The following MYO5A variants were observed in gnomAD, a reference collection of about 807,000 sequenced individuals.
The protein encoded by MYO5A is unconventional myosin-Va.
In MYO5A, 98 loss-of-function variants were observed where a neutral mutation model predicts 249.7. The ratio of observed to expected loss-of-function variants is 0.39; its 90% confidence interval spans 0.33 to 0.46. MYO5A has a LOEUF of 0.46. Ranked by LOEUF, MYO5A falls within the 20% of genes least tolerant of loss-of-function variation. The pLI is 0.98. For synonymous variants in MYO5A, 778 were observed against 810.6 expected, an observed-to-expected ratio of 0.96 and a Z score of 0.68; for missense variants, 1,696 against 2,308.8, an observed-to-expected ratio of 0.73 and a Z score of 5.44.
At chr15:52,389,188 T>G (rs760919402) in intron 13 of MYO5A, 50 bp downstream of exon 13, 2 of 1,576,818 alleles carry the variant, frequency 1.3e-6, no homozygotes, top group Admixed American at 3.4e-5. Flanking sequence ...TATTGGGTTT[T>G]TTCCACATTT....
At chr15:52,496,957 G>A (rs926840532) in intron 1 of MYO5A, among the ~76,000 whole-genome samples, 2 of 152,052 alleles carry the variant, frequency 1.3e-5, no homozygotes, top group African/African-American at 4.8e-5. Flanking sequence ...TGTGATCTTA[G>A]TTGAAACAGC....
At chr15:52,414,409 A>T (rs968482565) in intron 5 of MYO5A, among the ~76,000 whole-genome samples, 2 of 152,178 alleles carry the variant, frequency 1.3e-5, no homozygotes, top group African/African-American at 4.8e-5. Flanking sequence ...TAGCTATTCC[A>T]AATTTTTAAT....
intron 1 of MYO5A, among the ~76,000 whole-genome samples, chr15:52,446,363 T>G (rs2051448565): frequency 6.6e-6 from 1 of 152,250 alleles, no homozygotes. Context: ...CCATGTGGTG[T>G]TAAGCCTGTA....
intron 4 of MYO5A, among the ~76,000 whole-genome samples, chr15:52,423,140 A>G (rs992945227): frequency 6.6e-6 from 1 of 152,110 alleles, no homozygotes. Context: ...ATAAATCTCT[A>G]TTACATGAAT....
chr15:52,521,394 AC>A (rs1199912018), intron 1 of MYO5A, among the ~76,000 whole-genome samples: 2 of 152,130 alleles, frequency 1.3e-5, no homozygotes, highest in Non-Finnish European at 1.5e-5. Context: ...AGAAGTAGAA[AC>A]CCCAACCACA....
chr15:52,411,593 A>G (rs905464117), intron 5 of MYO5A, among the ~76,000 whole-genome samples: 2 of 152,210 alleles, frequency 1.3e-5, no homozygotes, highest in Non-Finnish European at 2.9e-5. Context: ...CATATATTAA[A>G]TGTTTAATAA....
At chr15:52,384,046 A>C in intron 15 of MYO5A, 115 bp downstream of exon 15, 2 of 1,274,664 alleles carry the variant, frequency 1.6e-6, no homozygotes, top group Non-Finnish European at 2.2e-6. Context: ...TCACAGTGAA[A>C]GCTCTAGGCT....
intron 35 of MYO5A, chr15:52,329,139 A>C (rs1201507442): frequency 2.0e-5 from 3 of 152,214 alleles, no homozygotes; most frequent in Non-Finnish European, 4.4e-5. Flanking sequence ...ACATGATAAG[A>C]GTTCATTAAA....
intron 9 of MYO5A, among the ~76,000 whole-genome samples, chr15:52,398,560 C>T (rs1274761711): frequency 6.6e-6 from 1 of 152,194 alleles, no homozygotes; most frequent in Non-Finnish European, 1.5e-5. Flanking sequence ...ACTCTTCACA[C>T]TCAAGCACCC....
Position 52,408,109 on chromosome 15 carries a change from T to C in MYO5A, c.788A>G (p.Tyr263Cys), listed in dbSNP as rs760921577. The change falls in exon 7 of 42, where the codon TAT becomes TGT. Residue 263 changes from tyrosine to cysteine, a missense_variant. Around this residue, in one of 5 missense-constraint regions of MYO5A, gnomAD observed 197 missense variants for 320.3 expected, o/e 0.62. Coordinates refer to ENST00000399233, the MANE Select transcript of MYO5A (RefSeq NM_001382347.1). ...TAACTTTGCTGAGGCACAAAGCTGA[T>C]AGAAGATATGATAGTTTCTCTCCTC... ...AEEERNYHIF[Y>C]QLCASAKLPE... The C allele has an allele frequency of 6.2e-7, 1 of 1,608,122 alleles. No homozygotes were observed. The highest frequency in any genetic ancestry group is 8.5e-7 in the Non-Finnish European group (1 of 1,175,234).
chr15:52,328,307 C>A (rs1358964890), intron 35 of MYO5A, among the ~76,000 whole-genome samples: 1 of 152,178 alleles, frequency 6.6e-6, no homozygotes, highest in East Asian at 1.9e-4. Context: ...CTCTCCCAAA[C>A]CAAATTCTTG....
intron 1 of MYO5A, among the ~76,000 whole-genome samples, chr15:52,501,112 G>C (rs1323252728): frequency 6.6e-6 from 1 of 151,930 alleles, no homozygotes; most frequent in Non-Finnish European, 1.5e-5. Flanking sequence ...TGGGACTACA[G>C]GCGCCTCCCA....
chr15:52,332,965 C>CAATA (rs997439432), intron 34 of MYO5A, among the ~76,000 whole-genome samples: 5 of 152,102 alleles, frequency 3.3e-5, no homozygotes, highest in Admixed American at 6.5e-5. Flanking sequence ...AACTCCATCT[C>CAATA]AATAAATAAA....
intron 1 of MYO5A, among the ~76,000 whole-genome samples, chr15:52,471,616 C>CACACACAG (rs1156614223): frequency 1.3e-5 from 2 of 151,494 alleles, no homozygotes; most frequent in African/African-American, 4.9e-5. Context: ...CACACACACA[C>CACACACAG]ACACCCCAAA....
Position 52,321,453 on chromosome 15 carries a change from G to A in MYO5A, c.4857C>T (p.Asp1619=). ...TCAGCACCTGCCGATACTCAGCCAG[G>A]TCAAAATTGGTGAGGCAGTGTTCAT... The part of the protein sequence containing the change: ...RQNEHCLTNF[D]LAEYRQVLSD... Residue 1619 remains aspartate, a synonymous_variant, in exon 38 of 42, where the codon GAC becomes GAT. Coordinates refer to ENST00000399233, the MANE Select transcript of MYO5A (RefSeq NM_001382347.1). The A allele has an allele frequency of 6.2e-7, 1 of 1,614,206 alleles. No individual in the cohort carries two copies. The highest frequency in any genetic ancestry group is 8.5e-7 in the Non-Finnish European group (1 of 1,180,038).
In MYO5A at chr15:52,317,213, G is replaced by A. The variant is rs754082645; in HGVS notation, c.5244C>T (p.Val1748=). 3 of 1,613,772 alleles carry A rather than the reference G, an allele frequency of 1.9e-6. No individual in the cohort carries two copies. Among genetic ancestry groups the A allele is most frequent in the South Asian group, 2.2e-5 (2 of 91,074 alleles). ...CACGCAGCCATTCTTCCAGTTGACT[G>A]ACATTGTACCTATGAAAAAAAAGAG... The part of the protein sequence containing the change: ...WSKGMQIRYN[V]SQLEEWLRDK... Residue 1748 remains valine (V), a synonymous_variant, in exon 40 of 42, where the codon GTC becomes GTT. Transcript: ENST00000399233.
chr15:52,423,251 A>C (rs1278372978), intron 4 of MYO5A, among the ~76,000 whole-genome samples: 2 of 152,168 alleles, frequency 1.3e-5, no homozygotes, highest in African/African-American at 2.4e-5. Context: ...TTTGTTTGAC[A>C]AGAAAACAAT....
At chr15:52,423,430 T>C (rs1030874855) in intron 4 of MYO5A, among the ~76,000 whole-genome samples, 8 of 152,104 alleles carry the variant, frequency 5.3e-5, no homozygotes, top group African/African-American at 1.9e-4. Flanking sequence ...CAGGTGCCTG[T>C]AGTCCCAGCT....
chr15:52,519,355 A>G (rs1272455639), intron 1 of MYO5A, among the ~76,000 whole-genome samples: 1 of 152,184 alleles, frequency 6.6e-6, no homozygotes, highest in Non-Finnish European at 1.5e-5. Flanking sequence ...GCTCCCGCCT[A>G]TAATCTCAGC....
Sources: allele counts gnomAD v4.1 joint callset (sites outside exome capture counted in the v4.1 genomes callset), GRCh38; gene constraint gnomAD v4.1.1; regional missense constraint gnomAD v4.1.1; transcripts MANE v1.5; gene names NCBI Gene and HGNC (gene_info 2026-07-23, HGNC 2026-07-21).